ABCC1: variants seen among roughly 807,000 people sequenced by gnomAD.
ABCC1 encodes the protein multidrug resistance-associated protein 1.
Under a neutral mutation model 172.9 loss-of-function variants are expected in ABCC1, and 83 were observed. That is an observed-to-expected ratio of 0.48 (90% CI 0.40 to 0.58). The LOEUF (loss-of-function observed/expected upper bound fraction) is 0.58. ABCC1 is among the 20% of genes least tolerant of loss of function. The pLI is 0.00. For missense variants in ABCC1, 1,817 were observed against 2,002.7 expected, an observed-to-expected ratio of 0.91 and a Z score of 1.77; for synonymous variants, 937 against 825.2, an observed-to-expected ratio of 1.14 and a Z score of -2.32.
At chr16:15,952,043 A>G (rs565633081) in intron 1 of ABCC1, among the ~76,000 whole-genome samples, 158 of 152,286 alleles carry the variant, frequency 1.0e-3, no homozygotes, top group African/African-American at 3.6e-3. Context: ...CTGGCCTCCC[A>G]GGCAGTCAGA....
intron 6 of ABCC1, among the ~76,000 whole-genome samples, chr16:16,034,433 T>C (rs973216314): frequency 6.6e-6 from 1 of 152,206 alleles, no homozygotes; most frequent in Non-Finnish European, 1.5e-5. Flanking sequence ...TGTAATTTGT[T>C]CATGACTACA....
chr16:16,106,630 C>T lies in ABCC1; in HGVS notation c.2736-108C>T, dbSNP rs200320623. On this transcript the variant is annotated intron_variant, in intron 20 of 30. Coordinates refer to ENST00000399410, the MANE Select transcript of ABCC1 (RefSeq NM_004996.4). ...TACATGTGTGCATGTGGAAACACTC[C>T]GTCTCTTATGCCATGGTTCAGACCC... 2.1e-5 allele frequency: 29 copies of T among 1,366,412 alleles called. No individual in the cohort carries two copies. The East Asian group carries it at 2.6e-4, about 12-fold the overall frequency. 84.6% of individuals were successfully genotyped at this position (1,366,412 alleles called of 1,614,324 possible). A position where few individuals can be genotyped will look rare whatever the true frequency, so the allele number is the denominator to read the frequency against.
intron 7 of ABCC1, 115 bp downstream of exon 7, chr16:16,036,718 T>A (rs2048773701): frequency 8.9e-7 from 1 of 1,119,140 alleles, no homozygotes; most frequent in African/African-American, 1.6e-5. Context: ...TTTGTGGTTC[T>A]GGGCAAGATG....
chr16:16,130,641 C>T (rs1449807180), intron 26 of ABCC1, among the ~76,000 whole-genome samples: 1 of 152,178 alleles, frequency 6.6e-6, no homozygotes, highest in Non-Finnish European at 1.5e-5. Context: ...GATATACCTC[C>T]ACTTGCTCTT....
chr16:16,062,627 G>C (rs1331925238), intron 12 of ABCC1, among the ~76,000 whole-genome samples: 1 of 152,174 alleles, frequency 6.6e-6, no homozygotes, highest in Non-Finnish European at 1.5e-5. Flanking sequence ...GTGTCAGCTG[G>C]GGAGACCTTG....
rs368340485 is a variant in ABCC1, at chr16:16,068,228, G to A, written c.1750G>A (p.Val584Met). ...NNILDAQTAFVSLALFNILRF... is the reference protein window; with the variant it reads ...NNILDAQTAFMSLALFNILRF... The stretch of plus-strand genomic sequence containing the variant: ...CATCCTGGATGCCCAGACAGCCTTC[G>A]TGTCTTTGGCCTTGTTCAACATCCT... The change falls in exon 13 of 31, where the codon GTG (valine) becomes ATG (methionine). Residue 584 changes from valine (V) to methionine (M), a missense_variant. Val to Met is a conservative substitution (Grantham distance 21). Transcript: ENST00000399410. 28 of 1,614,046 alleles carry A rather than the reference G, an allele frequency of 1.7e-5. No homozygotes were observed. The highest frequency in any genetic ancestry group is 2.0e-5 in the Non-Finnish European group (24 of 1,180,040).
chr16:16,141,027 C>G (rs1269947577), intron 30 of ABCC1, 146 bp from the exon 31 acceptor site: 4 of 661,566 alleles, frequency 6.0e-6, no homozygotes, highest in Non-Finnish European at 1.1e-5. Context: ...TGAGGGTGAG[C>G]AACCAGCTGG....
At chr16:15,960,039 A>G (rs1475014032) in intron 1 of ABCC1, among the ~76,000 whole-genome samples, 1 of 152,068 alleles carries the variant, frequency 6.6e-6, no homozygotes, top group Admixed American at 6.5e-5. Context: ...CCTAGGTAAT[A>G]CTTGTTTGGA....
In ABCC1 at chr16:16,142,951, T is replaced by A. The variant is rs988506524; in HGVS notation, c.*1670T>A. On this transcript the variant is annotated 3_prime_UTR_variant, in exon 31 of 31. Coordinates refer to ENST00000399410, the MANE Select transcript of ABCC1 (RefSeq NM_004996.4). ...GCATATATTTATTTTTTGTAAGTTA[T>A]ACCATTCTTTCACATTAGATAAACT... The A allele has an allele frequency of 1.3e-5, 2 of 152,628 alleles. No individual in the cohort carries two copies. Among genetic ancestry groups the A allele is most frequent in the Non-Finnish European group, 2.9e-5 (2 of 68,044 alleles). The allele number at this position is 152,628 out of a possible 1,614,324, so 9.5% of individuals were successfully genotyped here. A position where few individuals can be genotyped will look rare whatever the true frequency, so the allele number is the denominator to read the frequency against.
At chr16:16,002,857 G>A (rs2047367224) in intron 1 of ABCC1, among the ~76,000 whole-genome samples, 1 of 151,992 alleles carries the variant, frequency 6.6e-6, no homozygotes, top group South Asian at 2.1e-4. Context: ...TGCCTTTTGT[G>A]GCAACAAAAT....
At chr16:16,018,028 A>T (rs577687136) in intron 5 of ABCC1, among the ~76,000 whole-genome samples, 1 of 152,114 alleles carries the variant, frequency 6.6e-6, no homozygotes, top group East Asian at 1.9e-4. Context: ...TTTGGGTTTT[A>T]TTGTGAGTAT....
chr16:15,995,631 T>C (rs758525895), intron 1 of ABCC1, among the ~76,000 whole-genome samples: 1 of 151,892 alleles, frequency 6.6e-6, no homozygotes, highest in Non-Finnish European at 1.5e-5. Flanking sequence ...CGCTGATAAA[T>C]GTCCACTGAG....
intron 17 of ABCC1, 94 bp from the exon 18 acceptor site, chr16:16,086,730 A>G (rs1393707189): frequency 2.7e-6 from 4 of 1,465,150 alleles, no homozygotes; most frequent in Non-Finnish European, 2.8e-6. Context: ...TGGCCTCCCA[A>G]AGTTCTGGGA....
intron 1 of ABCC1, among the ~76,000 whole-genome samples, chr16:15,999,818 C>T (rs1290093233): frequency 2.2e-5 from 1 of 45,990 alleles, no homozygotes; most frequent in East Asian, 5.2e-4. Flanking sequence ...TCCTCTCTCT[C>T]TCTCTCTCTC....
chr16:15,954,016 T>C (rs1227305236), intron 1 of ABCC1, among the ~76,000 whole-genome samples: 1 of 148,692 alleles, frequency 6.7e-6, no homozygotes, highest in Non-Finnish European at 1.5e-5. Context: ...CTTTTTTTTT[T>C]TTTTTTTTTG....
At chr16:16,101,015 ATT>A (rs71900391) in intron 19 of ABCC1, among the ~76,000 whole-genome samples, 4 of 149,568 alleles carry the variant, frequency 2.7e-5, no homozygotes, top group Non-Finnish European at 4.5e-5. Flanking sequence ...TGTTTTTTAG[ATT>A]TTTTTTTTAT....
rs74675437 is a variant in ABCC1, at chr16:16,001,755, G to C, written c.49-6061G>C. 6.8e-3 allele frequency among the ~76,000 whole-genome samples: 1,035 copies of C among 152,316 alleles called. 11 individuals are homozygous for C. The highest frequency in any genetic ancestry group is 0.022 in the African/African-American group (910 of 41,570). ...GGCAGAGGTCGGAAACTTGTTATCT[G>C]CTGTGCTTTGTGAAGTAATTGCCTT... is the stretch of plus-strand genomic sequence containing the variant. On this transcript the variant is annotated intron_variant, in intron 1 of 30. Transcript: ENST00000399410.
chr16:16,115,228 T>A (rs2044805913), intron 23 of ABCC1, 152 bp downstream of exon 23: 1 of 900,340 alleles, frequency 1.1e-6, no homozygotes, highest in Admixed American at 3.1e-5. Context: ...CCTAAATTGT[T>A]TTTTTGCTCA....
intron 6 of ABCC1, among the ~76,000 whole-genome samples, chr16:16,035,486 C>T (rs1031263669): frequency 3.1e-5 from 4 of 129,064 alleles, no homozygotes. Flanking sequence ...TTTTTTCCTT[C>T]AGCCTATTTT....
Sources: allele counts gnomAD v4.1 joint callset (sites outside exome capture counted in the v4.1 genomes callset), GRCh38; gene constraint gnomAD v4.1.1; transcripts MANE v1.5; gene names NCBI Gene and HGNC (gene_info 2026-07-23, HGNC 2026-07-21).